Variants in SHOC1 observed in about 807,000 individuals in gnomAD.
SHOC1 encodes protein shortage in chiasmata 1 ortholog.
A neutral mutation model predicts 179.2 loss-of-function variants in SHOC1; 136 were observed. The ratio of observed to expected loss-of-function variants is 0.76; its 90% CI spans 0.66 to 0.87. The LOEUF is 0.87. Among genes scored for constraint, SHOC1 ranks in the 40% least tolerant of loss-of-function variants. The pLI, the probability that SHOC1 is intolerant of heterozygous loss-of-function variation, is 0.00. For missense variants in SHOC1, 1,538 were observed against 1,700.8 expected (o/e 0.90, Z 1.68); for synonymous variants, 489 against 586.6 (o/e 0.83, Z 2.41).
intron 5 of SHOC1, among the ~76,000 whole-genome samples, chr9:111,764,253 G>A (rs1473495256): frequency 6.6e-6 from 1 of 152,020 alleles, no homozygotes; most frequent in Non-Finnish European, 1.5e-5. Flanking sequence ...AATAACCTTT[G>A]TTTTACTTAA....
At chr9:111,792,422 A>T (rs1397363415) in intron 1 of SHOC1, among the ~76,000 whole-genome samples, 7 of 152,028 alleles carry the variant, frequency 4.6e-5, no homozygotes, top group African/African-American at 7.2e-5. Context: ...AAAAATACAA[A>T]ATTTTTGTAT....
chr9:111,704,905 C>A (rs12352113), intron 21 of SHOC1, among the ~76,000 whole-genome samples: 1 of 151,788 alleles, frequency 6.6e-6, no homozygotes, highest in Non-Finnish European at 1.5e-5. Context: ...GAAAAAAGCA[C>A]ACAAAATGTT....
chr9:111,790,310 A>G (rs988644003), intron 2 of SHOC1, among the ~76,000 whole-genome samples: 1 of 152,198 alleles, frequency 6.6e-6, no homozygotes, highest in African/African-American at 2.4e-5. Flanking sequence ...GCACCACCCT[A>G]ATATAATCCA....
At chr9:111,722,792 T>A (rs1014500012) in intron 14 of SHOC1, among the ~76,000 whole-genome samples, 3 of 152,164 alleles carry the variant, frequency 2.0e-5, no homozygotes, top group African/African-American at 7.2e-5. Flanking sequence ...TATAATTTTA[T>A]GGCTATATTA....
Position 111,748,148 on chromosome 9 carries a change from GA to G in SHOC1, c.913del (p.Ser305ProfsTer5). The G allele has an allele frequency of 6.2e-7, 1 of 1,613,770 alleles. No homozygotes were observed. The highest frequency in any genetic ancestry group is 8.5e-7 in the Non-Finnish European group (1 of 1,179,878). On this transcript the variant is annotated frameshift_variant, in exon 9 of 28. Coordinates refer to ENST00000682961, the MANE Select transcript of SHOC1 (RefSeq NM_001378211.1). LOFTEE classifies it high-confidence loss of function. ...IEDIGDIKFS[S>X]TEILTIQSQS... Reference sequence around the variant, plus strand: ...GCTTTGAATGGTCAAAATCTCTGTGGAGCTGAATTTTATATCCCCGATATCC... The same window carrying G: ...GCTTTGAATGGTCAAAATCTCTGTGGGCTGAATTTTATATCCCCGATATCC...
chr9:111,694,226 T>C lies in SHOC1; in HGVS notation c.3315+5A>G, dbSNP rs367946026. On this transcript the variant is annotated splice_donor_5th_base_variant and intron_variant, in intron 25 of 27. Transcript: ENST00000682961. Reference sequence around the variant, plus strand: ...TTATCTATTTTACACATTTAGAAAATATACCTCAGATGGTGAAACTTTAAG... The same window carrying C: ...TTATCTATTTTACACATTTAGAAAACATACCTCAGATGGTGAAACTTTAAG... 2 of 1,597,382 alleles carry C rather than the reference T, an allele frequency of 1.3e-6. No homozygotes were observed. The highest frequency in any genetic ancestry group is 1.7e-6 in the Non-Finnish European group (2 of 1,172,060).
chr9:111,739,765 A>G (rs1413474382), intron 11 of SHOC1, among the ~76,000 whole-genome samples: 1 of 151,944 alleles, frequency 6.6e-6, no homozygotes, highest in Non-Finnish European at 1.5e-5. Flanking sequence ...TCAATATATG[A>G]TCTGATTTTG....
chr9:111,720,082 C>A (rs10116652), intron 15 of SHOC1, among the ~76,000 whole-genome samples: 8,373 of 152,122 alleles, frequency 0.055, 567 homozygotes, highest in African/African-American at 0.16. Context: ...GGAAGGAGAC[C>A]AGATTTCAAA....
At chr9:111,721,678 C>G (rs866552697) in intron 15 of SHOC1, among the ~76,000 whole-genome samples, 125 of 152,330 alleles carry the variant, frequency 8.2e-4, no homozygotes, top group African/African-American at 2.7e-3. Context: ...CTGCTGAATA[C>G]TCGAGGGAGA....
At chr9:111,794,380 T>C (rs1836554424) in intron 1 of SHOC1, among the ~76,000 whole-genome samples, 1 of 151,244 alleles carries the variant, frequency 6.6e-6, no homozygotes, top group Admixed American at 6.6e-5. Flanking sequence ...GGTCAGGAGT[T>C]CGAGACCAGC....
rs576032116 is a variant in SHOC1 at position 111,706,744 on chromosome 9, G to A, written c.2561C>T (p.Thr854Ile). The A allele has an allele frequency of 3.9e-5, 62 of 1,571,482 alleles. No homozygotes were observed. Among genetic ancestry groups the A allele is most frequent in the Non-Finnish European group, 4.3e-5 (50 of 1,161,120 alleles). The change falls in exon 20 of 28, where the codon ACA becomes ATA. Residue 854 changes from threonine (T) to isoleucine (I), a missense_variant and splice_region_variant. By Grantham distance (89) the Thr-to-Ile change is moderately conservative. Transcript: ENST00000682961. ...FLESEGVLRG[T>I]SSCVVVHNQY... is the part of the protein sequence containing the mutation. ...ATTATGTACAACTACACAGGAACTTGTACTAAAGACAAAAGAGAGCCAAGA... is the reference window on the plus strand; with the variant it reads ...ATTATGTACAACTACACAGGAACTTATACTAAAGACAAAAGAGAGCCAAGA...
chr9:111,791,308 G>T, intron 2 of SHOC1, 66 bp downstream of exon 2: 1 of 845,124 alleles, frequency 1.2e-6, no homozygotes, highest in South Asian at 3.1e-5. Flanking sequence ...AACCTATATT[G>T]AATGTAGTTA....
chr9:111,708,288 C>T (rs996656014), intron 18 of SHOC1, among the ~76,000 whole-genome samples: 3 of 151,884 alleles, frequency 2.0e-5, no homozygotes, highest in East Asian at 3.9e-4. Flanking sequence ...CTGCAACTTC[C>T]GCCTCCTGGG....
At chr9:111,735,804 C>T (rs934145755) in intron 12 of SHOC1, among the ~76,000 whole-genome samples, 14 of 152,344 alleles carry the variant, frequency 9.2e-5, no homozygotes, top group African/African-American at 3.4e-4. Context: ...CTCCTACCAA[C>T]AGTGTAAAAG....
chr9:111,776,054 G>C (rs1468085717), intron 4 of SHOC1, 79 bp from the exon 5 acceptor site: 1 of 1,079,702 alleles, frequency 9.3e-7, no homozygotes. Flanking sequence ...TATGTCCACT[G>C]TGGAAAAAAT....
intron 19 of SHOC1, among the ~76,000 whole-genome samples, chr9:111,707,402 AT>A (rs987753080): frequency 3.4e-5 from 5 of 147,972 alleles, no homozygotes; most frequent in Non-Finnish European, 6.0e-5. Flanking sequence ...TTGAAAAAAA[AT>A]AATTTCTATG....
chr9:111,711,385 A>G (rs1409531517), intron 18 of SHOC1, among the ~76,000 whole-genome samples: 1 of 152,096 alleles, frequency 6.6e-6, no homozygotes, highest in Admixed American at 6.6e-5. Context: ...AGGCCTTGGG[A>G]AGTTCCTGCC....
chr9:111,725,319 A>T (rs1833249243), intron 13 of SHOC1, among the ~76,000 whole-genome samples: 1 of 152,110 alleles, frequency 6.6e-6, no homozygotes, highest in Non-Finnish European at 1.5e-5. Flanking sequence ...ATACACCAAA[A>T]TATTAAGGCA....
intron 21 of SHOC1, among the ~76,000 whole-genome samples, chr9:111,704,486 G>A (rs1021076630): frequency 5.3e-5 from 8 of 152,172 alleles, no homozygotes; most frequent in African/African-American, 9.6e-5. Context: ...GGGCTCAATC[G>A]AACCTCTCAT....
Sources: gnomAD v4.1 joint callset for allele counts (sites outside exome capture counted in the v4.1 genomes callset) on GRCh38, gnomAD v4.1.1 for gene constraint, MANE v1.5 for transcripts, NCBI Gene and HGNC (gene_info 2026-07-23, HGNC 2026-07-21) for gene names.